Variants in TTLL11 observed in about 807,000 individuals in gnomAD.
TTLL11 encodes the protein tubulin tyrosine ligase like 11, also known as tubulin polyglutamylase TTLL11.
TTLL11 carries 42 observed loss-of-function variants against 51.7 expected under a neutral mutation model. That is an observed-to-expected ratio of 0.81 (90% CI 0.64 to 1.05). The LOEUF is 1.05. Among genes scored for constraint, TTLL11 ranks in the 50% least tolerant of loss-of-function variants. TTLL11 has a pLI of 0.00. For missense variants in TTLL11, 799 were observed against 940.4 expected (o/e 0.85, Z 1.97); for synonymous variants, 381 against 383.5 (o/e 0.99, Z 0.08).
intron 1 of TTLL11, among the ~76,000 whole-genome samples, chr9:122,055,329 C>T (rs375985352): frequency 1.3e-5 from 2 of 152,074 alleles, no homozygotes; most frequent in African/African-American, 4.8e-5. Flanking sequence ...GAAGCCAGAC[C>T]GAATCCCAAA....
intron 8 of TTLL11, among the ~76,000 whole-genome samples, chr9:121,830,108 A>G (rs941222763): frequency 1.4e-5 from 2 of 147,182 alleles, no homozygotes; most frequent in Non-Finnish European, 1.5e-5. Flanking sequence ...TAGAATGTGA[A>G]CCTTGTAACA....
chr9:121,823,680 C>T (rs1040604082), intron 8 of TTLL11, among the ~76,000 whole-genome samples: 18 of 152,160 alleles, frequency 1.2e-4, no homozygotes, highest in African/African-American at 3.6e-4. Context: ...TGGGTGTGTG[C>T]GTTTGTCAAA....
At chr9:121,950,759 T>C (rs984214151) in intron 6 of TTLL11, among the ~76,000 whole-genome samples, 1 of 152,126 alleles carries the variant, frequency 6.6e-6, no homozygotes, top group African/African-American at 2.4e-5. Flanking sequence ...TGACCAAGCC[T>C]CCCTCCAGGC....
chr9:121,870,842 G>C, intron 6 of TTLL11, 94 bp from the exon 7 acceptor site: 1 of 1,366,718 alleles, frequency 7.3e-7, no homozygotes, highest in Non-Finnish European at 9.7e-7. Flanking sequence ...AGCATTACCA[G>C]CATTTTTTAT....
chr9:122,052,496 C>T (rs1845189519), intron 1 of TTLL11, among the ~76,000 whole-genome samples: 1 of 152,190 alleles, frequency 6.6e-6, no homozygotes, highest in African/African-American at 2.4e-5. Flanking sequence ...ATGTTTGGAC[C>T]ACCTAGCACG....
intron 6 of TTLL11, among the ~76,000 whole-genome samples, chr9:121,964,486 T>C (rs1346543573): frequency 6.6e-6 from 1 of 151,942 alleles, no homozygotes; most frequent in African/African-American, 2.4e-5. Flanking sequence ...TTAGTAGAGA[T>C]GGGGTTTTAC....
intron 3 of TTLL11, among the ~76,000 whole-genome samples, chr9:122,018,818 T>A (rs1844073323): frequency 2.0e-5 from 3 of 152,202 alleles, no homozygotes; most frequent in African/African-American, 7.2e-5. Flanking sequence ...TCAGCATCAA[T>A]CAAATGGGCT....
intron 3 of TTLL11, among the ~76,000 whole-genome samples, chr9:122,016,536 G>A (rs563908554): frequency 2.0e-5 from 3 of 152,248 alleles, no homozygotes; most frequent in East Asian, 3.9e-4. Flanking sequence ...TTTTCTTTCT[G>A]CCTTGACTCT....
At chr9:121,857,531 G>A (rs913111609) in intron 8 of TTLL11, among the ~76,000 whole-genome samples, 2 of 152,178 alleles carry the variant, frequency 1.3e-5, no homozygotes, top group African/African-American at 4.8e-5. Flanking sequence ...AATTTGCAGC[G>A]ATATATGCAC....
At chr9:121,829,243 C>T (rs1240233362) in intron 8 of TTLL11, among the ~76,000 whole-genome samples, 2 of 151,984 alleles carry the variant, frequency 1.3e-5, no homozygotes, top group East Asian at 1.9e-4. Flanking sequence ...CGTGAGCCAC[C>T]GTGCCCAGCC....
chr9:121,987,888 C>G (rs1392360889), intron 4 of TTLL11, among the ~76,000 whole-genome samples: 1 of 152,126 alleles, frequency 6.6e-6, no homozygotes, highest in African/African-American at 2.4e-5. Context: ...GTCCCCAACC[C>G]AGGCCTCTGT....
intron 6 of TTLL11, among the ~76,000 whole-genome samples, chr9:121,966,607 G>A (rs546368829): frequency 4.6e-5 from 7 of 152,212 alleles, no homozygotes; most frequent in Non-Finnish European, 1.0e-4. Context: ...AATACCTTGA[G>A]TGAAAGAGGA....
chr9:121,925,743 A>G (rs1296694451), intron 6 of TTLL11, among the ~76,000 whole-genome samples: 3 of 152,182 alleles, frequency 2.0e-5, no homozygotes, highest in African/African-American at 4.8e-5. Flanking sequence ...CTCTGTGTCC[A>G]GAGCCTAGTC....
At chr9:121,881,091 T>A (rs1838771895) in intron 6 of TTLL11, among the ~76,000 whole-genome samples, 1 of 152,218 alleles carries the variant, frequency 6.6e-6, no homozygotes, top group South Asian at 2.1e-4. Flanking sequence ...ATGACAACTG[T>A]AATCAGTGGT....
chr9:122,030,379 T>C (rs1400443042), intron 3 of TTLL11, among the ~76,000 whole-genome samples: 1 of 152,176 alleles, frequency 6.6e-6, no homozygotes, highest in African/African-American at 2.4e-5. Context: ...CCTTTAAAAA[T>C]TATCACTTCA....
chr9:122,010,271 C>T (rs1843759416), intron 3 of TTLL11, among the ~76,000 whole-genome samples: 1 of 152,142 alleles, frequency 6.6e-6, no homozygotes, highest in Non-Finnish European at 1.5e-5. Flanking sequence ...GACTCCCTCC[C>T]TTTATAAAAA....
chr9:122,077,008 A>C (rs1845879972), intron 1 of TTLL11, among the ~76,000 whole-genome samples: 1 of 152,222 alleles, frequency 6.6e-6, no homozygotes, highest in Non-Finnish European at 1.5e-5. Flanking sequence ...GGAAATGAAA[A>C]AACAGTGGCA....
chr9:121,867,789 CCT>C (rs1440653037), intron 7 of TTLL11, among the ~76,000 whole-genome samples: 2 of 152,050 alleles, frequency 1.3e-5, no homozygotes, highest in Non-Finnish European at 2.9e-5. Context: ...GAGCTACCGC[CCT>C]GTGACTCTAC....
chr9:122,062,891 C>T (rs991938409), intron 1 of TTLL11, among the ~76,000 whole-genome samples: 11 of 151,578 alleles, frequency 7.3e-5, no homozygotes, highest in African/African-American at 2.7e-4. Flanking sequence ...GCAATCCTCC[C>T]ACCTCAGCCT....
Sources: gnomAD v4.1 joint callset for allele counts (sites outside exome capture counted in the v4.1 genomes callset) on GRCh38, gnomAD v4.1.1 for gene constraint, MANE v1.5 for transcripts, NCBI Gene and HGNC (gene_info 2026-07-23, HGNC 2026-07-21) for gene names.